The following RASGEF1C variants were observed in gnomAD, a reference collection of about 807,000 sequenced individuals.
RASGEF1C encodes the protein ras-GEF domain-containing family member 1C.
A neutral mutation model predicts 58.1 loss-of-function variants in RASGEF1C; 27 were observed. The observed-to-expected ratio is 0.46, with a 90% CI of 0.34 to 0.64. RASGEF1C has a LOEUF of 0.64. RASGEF1C is among the 30% of genes least tolerant of loss of function. The pLI, the probability that RASGEF1C is intolerant of heterozygous loss-of-function variation, is 0.01. For missense variants in RASGEF1C, 502 were observed against 605.1 expected, an observed-to-expected ratio of 0.83 and a Z score of 1.79; for synonymous variants, 243 against 246.3, an observed-to-expected ratio of 0.99 and a Z score of 0.13.
rs373209907 is a variant in RASGEF1C, at chr5:180,137,881, G to C, written c.172C>G (p.Pro58Ala). 48 of 1,612,310 alleles carry C rather than the reference G, an allele frequency of 3.0e-5. No individual in the cohort carries two copies. Among genetic ancestry groups the C allele is most frequent in the African/African-American group, 5.3e-5 (4 of 74,896 alleles). The change falls in exon 2 of 14, where the codon CCC becomes GCC. Residue 58 changes from proline (P) to alanine (A), a missense_variant. Coordinates refer to ENST00000361132, the MANE Select transcript of RASGEF1C (RefSeq NM_175062.4). The surrounding 1 kb of genome is among the most constrained non-coding windows in gnomAD (Gnocchi z 4.1). ...CCGCTGGGTGGATCACCCACCTCGG[G>C]GTAGTAGTCGGCTGTGGGCACCAGG... ...QHLVPTADYY[P>A]EKAYIFTFLL...
intron 4 of RASGEF1C, among the ~76,000 whole-genome samples, chr5:180,133,266 G>A (rs1766400645): frequency 6.6e-6 from 1 of 152,208 alleles, no homozygotes; most frequent in African/African-American, 2.4e-5. Flanking sequence ...CATGGAGAAT[G>A]GCCTCCTCAG....
intron 4 of RASGEF1C, among the ~76,000 whole-genome samples, chr5:180,130,730 G>A (rs1018186635): frequency 2.6e-5 from 4 of 152,168 alleles, no homozygotes; most frequent in Non-Finnish European, 4.4e-5. Context: ...GCTGGGGTTC[G>A]GGGTTCTTCC....
At chr5:180,195,819 G>A (rs982234945) in intron 1 of RASGEF1C, among the ~76,000 whole-genome samples, 4 of 149,480 alleles carry the variant, frequency 2.7e-5, no homozygotes, top group East Asian at 3.9e-4. Context: ...CTGCAGGCCC[G>A]CCGTCCGGTG....
chr5:180,125,812 C>G (rs1359701462), intron 6 of RASGEF1C, among the ~76,000 whole-genome samples: 7 of 151,954 alleles, frequency 4.6e-5, no homozygotes, highest in Non-Finnish European at 2.9e-5. Context: ...ATCTTAATTG[C>G]TAATATAAAT....
intron 1 of RASGEF1C, among the ~76,000 whole-genome samples, chr5:180,201,418 C>T (rs1015603849): frequency 6.6e-6 from 1 of 152,280 alleles, no homozygotes; most frequent in African/African-American, 2.4e-5. Context: ...TGGTGCACTT[C>T]ATAACAACAA....
chr5:180,181,606 A>G (rs1019680661), intron 1 of RASGEF1C, among the ~76,000 whole-genome samples: 4 of 152,182 alleles, frequency 2.6e-5, no homozygotes, highest in Non-Finnish European at 5.9e-5. Flanking sequence ...AAGCCAAGGA[A>G]TGCAGAAGAT....
chr5:180,195,500 C>G (rs1204239970), intron 1 of RASGEF1C, among the ~76,000 whole-genome samples: 1 of 152,222 alleles, frequency 6.6e-6, no homozygotes, highest in African/African-American at 2.4e-5. Flanking sequence ...GTGGCTCACG[C>G]CTGTAATCCC....
chr5:180,113,288 A>G (rs369465426), intron 11 of RASGEF1C, among the ~76,000 whole-genome samples: 39 of 31,098 alleles, frequency 1.3e-3, no homozygotes, highest in African/African-American at 2.2e-3. Context: ...GGAGGGATCC[A>G]GGATGGACGG....
At chr5:180,185,953 C>A (rs1298921722) in intron 1 of RASGEF1C, among the ~76,000 whole-genome samples, 1 of 151,896 alleles carries the variant, frequency 6.6e-6, no homozygotes, top group Admixed American at 6.6e-5. Context: ...CAAAAATTAG[C>A]CAGGCATGGT....
rs998302740 is a variant in RASGEF1C at position 180,159,474 on chromosome 5, C to T, written c.-6-21416G>A. Among the ~76,000 whole-genome samples, 93 of 152,280 alleles carry T rather than the reference C, an allele frequency of 6.1e-4. 1 individual carries two copies. Among genetic ancestry groups the T allele is most frequent in the African/African-American group, 2.0e-3 (83 of 41,560 alleles). Reference sequence around the variant, plus strand: ...TTTATTTAAAGTTTTCTTCTTCCTGCGCTGCCTTTTTGTTTCCTCCAATTT... The same window carrying T: ...TTTATTTAAAGTTTTCTTCTTCCTGTGCTGCCTTTTTGTTTCCTCCAATTT... On this transcript the variant is annotated intron_variant, in intron 1 of 13. Coordinates refer to ENST00000361132, the MANE Select transcript of RASGEF1C (RefSeq NM_175062.4).
intron 1 of RASGEF1C, among the ~76,000 whole-genome samples, chr5:180,186,806 A>G (rs934454953): frequency 1.1e-4 from 17 of 152,170 alleles, no homozygotes; most frequent in African/African-American, 4.1e-4. Context: ...TCTCTACTAA[A>G]TATACAAAAA....
chr5:180,136,622 T>C (rs1226809981), intron 3 of RASGEF1C, 107 bp from the exon 4 acceptor site: 1 of 1,279,736 alleles, frequency 7.8e-7, no homozygotes, highest in Admixed American at 2.6e-5. Flanking sequence ...CAGGGCCTCG[T>C]GCCCTCTCTG....
At chr5:180,139,456 C>T (rs1766540626) in intron 1 of RASGEF1C, among the ~76,000 whole-genome samples, 1 of 152,168 alleles carries the variant, frequency 6.6e-6, no homozygotes, top group Non-Finnish European at 1.5e-5. Flanking sequence ...CGTGGTGGGT[C>T]AGAGCTGACA....
intron 1 of RASGEF1C, among the ~76,000 whole-genome samples, chr5:180,163,041 A>C (rs953683951): frequency 5.9e-5 from 9 of 152,124 alleles, no homozygotes; most frequent in African/African-American, 2.2e-4. Context: ...AATTGTTCAT[A>C]GCTAGCACAG....
At chr5:180,101,677 C>T (rs1765787090) in intron 13 of RASGEF1C, 152 bp from the exon 14 acceptor site, 2 of 954,912 alleles carry the variant, frequency 2.1e-6, no homozygotes, top group East Asian at 2.6e-5. Context: ...GCTCAGCCCT[C>T]GAAGTCCATT....
intron 1 of RASGEF1C, among the ~76,000 whole-genome samples, chr5:180,174,452 G>A (rs979298420): frequency 9.3e-6 from 1 of 107,646 alleles, no homozygotes; most frequent in African/African-American, 4.0e-5. Flanking sequence ...GTGCATGTGC[G>A]TGTGTGCATG....
chr5:180,182,161 C>A (rs1179401363), intron 1 of RASGEF1C, among the ~76,000 whole-genome samples: 1 of 133,612 alleles, frequency 7.5e-6, no homozygotes, highest in Non-Finnish European at 1.5e-5. Context: ...GTCGAGATCG[C>A]GCCACTGAAC....
At chr5:180,208,918 G>C (rs886480103) in intron 1 of RASGEF1C, 110 bp downstream of exon 1, 7 of 146,952 alleles carry the variant, frequency 4.8e-5, no homozygotes, top group Admixed American at 1.4e-4. Context: ...GCCGCGCGCA[G>C]CCTCCCGCCT....
intron 6 of RASGEF1C, among the ~76,000 whole-genome samples, chr5:180,124,267 A>G (rs1288705349): frequency 6.6e-6 from 1 of 151,938 alleles, no homozygotes; most frequent in Non-Finnish European, 1.5e-5. Flanking sequence ...TACCAAGCCT[A>G]GATGGTTCCA....
Sources: allele counts gnomAD v4.1 joint callset (sites outside exome capture counted in the v4.1 genomes callset), GRCh38; gene constraint gnomAD v4.1.1; non-coding constraint Gnocchi (gnomAD v3.1); transcripts MANE v1.5; gene names NCBI Gene and HGNC (gene_info 2026-07-23, HGNC 2026-07-21).